CLCA4: variants seen among roughly 807,000 people sequenced by gnomAD.
CLCA4 encodes the protein calcium-activated chloride channel regulator 4.
CLCA4 carries 69 observed loss-of-function variants against 78.9 expected under a neutral mutation model. The ratio of observed to expected loss-of-function variants is 0.87; its 90% CI spans 0.72 to 1.07. CLCA4 has a LOEUF of 1.07. CLCA4 is among the 50% of genes least tolerant of loss of function. The pLI is 0.00. For synonymous variants in CLCA4, 362 were observed against 375.8 expected (o/e 0.96, Z 0.42); for missense variants, 1,133 against 1,095.8 (o/e 1.03, Z -0.48).
chr1:86,558,053 C>T (rs1649904109), intron 1 of CLCA4, among the ~76,000 whole-genome samples: 1 of 151,852 alleles, frequency 6.6e-6, no homozygotes. Flanking sequence ...AGGTTTTCTC[C>T]ATCTTTTTAT....
At chr1:86,550,220 C>T (rs1649614330) in intron 1 of CLCA4, among the ~76,000 whole-genome samples, 1 of 152,134 alleles carries the variant, frequency 6.6e-6, no homozygotes, top group South Asian at 2.1e-4. Context: ...TCTGTTACAT[C>T]ACAAAGATAT....
intron 1 of CLCA4, chr1:86,552,547 C>T (rs1453668204): frequency 2.7e-5 from 14 of 524,242 alleles, no homozygotes; most frequent in Non-Finnish European, 4.4e-5. Flanking sequence ...GGGCGGCAGG[C>T]GCACCCTCTA....
At chr1:86,557,789 A>T (rs1649896273) in intron 1 of CLCA4, among the ~76,000 whole-genome samples, 1 of 152,120 alleles carries the variant, frequency 6.6e-6, no homozygotes. Context: ...TGCCTCAATG[A>T]AGTTTCCCAC....
At chr1:86,554,532 TG>T (rs1424427065) in intron 1 of CLCA4, among the ~76,000 whole-genome samples, 1 of 152,190 alleles carries the variant, frequency 6.6e-6, no homozygotes, top group East Asian at 1.9e-4. Context: ...CCCAAGGTGC[TG>T]GGATTACAGG....
intron 1 of CLCA4, among the ~76,000 whole-genome samples, chr1:86,551,672 G>A (rs865876009): frequency 2.0e-5 from 3 of 152,186 alleles, no homozygotes; most frequent in African/African-American, 7.2e-5. Flanking sequence ...CTCAGCCAGG[G>A]CAGGTGCCTG....
chr1:86,559,794 A>G, intron 1 of CLCA4, 138 bp from the exon 2 acceptor site: 1 of 675,696 alleles, frequency 1.5e-6, no homozygotes, highest in Non-Finnish European at 2.6e-6. Flanking sequence ...CAGAGTTAGA[A>G]TAATGAGACA....
In CLCA4 at chr1:86,553,379, T is replaced by A. The variant is rs72953598; in HGVS notation, c.159+6101T>A. On this transcript the variant is annotated intron_variant, in intron 1 of 13. Transcript: ENST00000370563. ...GAGAACGGTTATCTGGGTCCTGCCG[T>A]CTCGTGCATCCCACACGAAGGCCAC... is the stretch of plus-strand genomic sequence containing the variant. 1.1e-3 allele frequency: 587 copies of A among 519,222 alleles called. 3 individuals carry two copies. Among genetic ancestry groups the A allele is most frequent in the African/African-American group, 0.01 (527 of 50,632 alleles). 32.2% of individuals were successfully genotyped at this position (519,222 alleles called of 1,614,324 possible).
At position 86,579,967 on chromosome 1, in the gene CLCA4, T is replaced by A. The variant is rs2101822923; in HGVS notation, c.2382T>A (p.Ser794Arg). The change falls in exon 14 of 14, where the codon AGT becomes AGA. Residue 794 changes from serine (S) to arginine (R), a missense_variant. Physicochemically the swap from Ser to Arg is moderately radical, Grantham distance 110. Transcript: ENST00000370563. ...TTCAACGTTATATCATAAGAATAAG[T>A]GCAAGTATTCTTGATCTAAGAGACA... ...GKVQRYIIRI[S>R]ASILDLRDSF... 1 of 1,597,194 alleles carries A rather than the reference T, an allele frequency of 6.3e-7. No homozygotes were observed. Among genetic ancestry groups the A allele is most frequent in the South Asian group, 1.1e-5 (1 of 88,422 alleles).
At position 86,580,486 on chromosome 1, in the gene CLCA4, G is replaced by A. The variant is rs17416766; in HGVS notation, c.*141G>A. On this transcript the variant is annotated 3_prime_UTR_variant, in exon 14 of 14. Transcript: ENST00000370563. The stretch of plus-strand genomic sequence containing the variant: ...CTCATAAAAATAATTTTAAGATGTC[G>A]GAAAAGGATACTTTGATTAAATAAA... The A allele has an allele frequency of 0.078, 43,287 of 556,452 alleles. 1,794 individuals carry two copies. The highest frequency in any genetic ancestry group is 0.1 in the Middle Eastern group (219 of 2,152). The allele number at this position is 556,452 out of a possible 1,614,324, so 34.5% of individuals were successfully genotyped here. A position where few individuals can be genotyped will look rare whatever the true frequency, so the allele number is the denominator to read the frequency against.
chr1:86,565,947 C>A lies in CLCA4; in HGVS notation c.881C>A (p.Pro294Gln). Residue 294 changes from proline to glutamine, a missense_variant, in exon 6 of 14, where the codon CCA (proline) becomes CAA (glutamine). Coordinates refer to ENST00000370563, the MANE Select transcript of CLCA4 (RefSeq NM_012128.4). The stretch of plus-strand genomic sequence containing the variant: ...ATACCCATGGTGACACCACCTCCTC[C>A]ACCTGTCTTCTCATTGCTGAAGATC... ...NTIPMVTPPPPPVFSLLKISQ... is the reference protein window; with the variant it reads ...NTIPMVTPPPQPVFSLLKISQ... 6.2e-7 allele frequency: 1 copy of A among 1,613,304 alleles called. No homozygotes were observed. Among genetic ancestry groups the A allele is most frequent in the African/African-American group, 1.3e-5 (1 of 74,980 alleles).
In CLCA4 at chr1:86,563,770, G is replaced by A; in HGVS notation, c.557+1G>A. The A allele has an allele frequency of 6.4e-7, 1 of 1,553,094 alleles. No homozygotes were observed. Among genetic ancestry groups the A allele is most frequent in the South Asian group, 1.2e-5 (1 of 86,210 alleles). On this transcript the variant is annotated splice_donor_variant, in intron 4 of 13. Transcript: ENST00000370563. LOFTEE classifies it high-confidence loss of function. ...AGTCAAAAAAAATCGAAGCAACAAG[G>A]CATGGCTATTTAAATTTTCTAAACT...
At chr1:86,549,472 A>G (rs1183414795) in intron 1 of CLCA4, among the ~76,000 whole-genome samples, 1 of 152,200 alleles carries the variant, frequency 6.6e-6, no homozygotes, top group Non-Finnish European at 1.5e-5. Flanking sequence ...ATGCATGTTC[A>G]GGAATCACTC....
At chr1:86,559,798 T>TGGG (rs886437490) in intron 1 of CLCA4, 134 bp from the exon 2 acceptor site, 10 of 682,620 alleles carry the variant, frequency 1.5e-5, no homozygotes, top group Admixed American at 2.8e-5. Flanking sequence ...GTTAGAATAA[T>TGGG]GAGACAGAGA....
intron 1 of CLCA4, 147 bp downstream of exon 1, chr1:86,547,425 A>G (rs924557701): frequency 7.0e-6 from 4 of 573,602 alleles, no homozygotes; most frequent in African/African-American, 2.0e-5. Context: ...GGTAATTAGC[A>G]TATTCAGCAA....
chr1:86,574,367 C>T (rs750108347), intron 9 of CLCA4, among the ~76,000 whole-genome samples, 173 bp from the exon 10 acceptor site: 1 of 151,998 alleles, frequency 6.6e-6, no homozygotes, highest in Non-Finnish European at 1.5e-5. Context: ...CTCTTACTTC[C>T]TCACTTTTTA....
intron 4 of CLCA4, 83 bp downstream of exon 4, chr1:86,563,852 C>A: frequency 1.4e-6 from 1 of 713,140 alleles, no homozygotes; most frequent in Non-Finnish European, 2.4e-6. Context: ...CAAAATCATT[C>A]TTAATGCAGA....
At position 86,565,639 on chromosome 1, in the gene CLCA4, T is replaced by C. The variant is rs2231590; in HGVS notation, c.736-163T>C. ...ATCTATTATTACGTTACCATAATTC[T>C]TATTATGGTAAATCTACCTTATTGT... On this transcript the variant is annotated intron_variant, in intron 5 of 13. Coordinates refer to ENST00000370563, the MANE Select transcript of CLCA4 (RefSeq NM_012128.4). 4.7e-3 allele frequency among the ~76,000 whole-genome samples: 723 copies of C among 152,246 alleles called. 4 individuals are homozygous for C. The highest frequency in any genetic ancestry group is 0.016 in the African/African-American group (682 of 41,570).
chr1:86,550,608 A>G (rs1043789521), intron 1 of CLCA4, among the ~76,000 whole-genome samples: 3 of 151,916 alleles, frequency 2.0e-5, no homozygotes, highest in African/African-American at 7.2e-5. Context: ...CGAAAAAAAA[A>G]ATGATTTTTC....
chr1:86,552,952 G>GT, intron 1 of CLCA4: 1 of 638,334 alleles, frequency 1.6e-6, no homozygotes, highest in East Asian at 2.6e-5. Context: ...CTGTGCTGAG[G>GT]TGACTGGGCA....
Sources: allele counts gnomAD v4.1 joint callset (sites outside exome capture counted in the v4.1 genomes callset), GRCh38; gene constraint gnomAD v4.1.1; transcripts MANE v1.5; gene names NCBI Gene and HGNC (gene_info 2026-07-23, HGNC 2026-07-21).